Variants in ASCC3 observed in about 807,000 individuals in gnomAD.
ASCC3 encodes activating signal cointegrator 1 complex subunit 3.
In ASCC3, 158 loss-of-function variants were observed where a neutral mutation model predicts 256.3. The ratio of observed to expected loss-of-function variants is 0.62; its 90% CI spans 0.54 to 0.70. The LOEUF is 0.70. ASCC3 is among the 30% of genes least tolerant of loss of function. ASCC3 has a pLI of 0.00. For missense variants in ASCC3, 2,259 were observed against 2,626.0 expected, an observed-to-expected ratio of 0.86 and a Z score of 3.05; for synonymous variants, 948 against 883.4, an observed-to-expected ratio of 1.07 and a Z score of -1.30.
At chr6:100,640,836 C>G (rs892155006) in intron 24 of ASCC3, among the ~76,000 whole-genome samples, 1 of 152,100 alleles carries the variant, frequency 6.6e-6, no homozygotes, top group Non-Finnish European at 1.5e-5. Context: ...GAATAGGGTA[C>G]ACATTTGACA....
Position 100,848,230 on chromosome 6 carries a change from T to A in ASCC3, c.719A>T (p.Glu240Val). 1 of 1,614,034 alleles carries A rather than the reference T, an allele frequency of 6.2e-7. No individual in the cohort carries two copies. Among genetic ancestry groups the A allele is most frequent in the Non-Finnish European group, 8.5e-7 (1 of 1,179,978 alleles). ...YLNSTLKEMT[E>V]VPRVEDLCCT... ...GCAAAGATCTTCTACTCTTGGCACT[T>A]CAGTCATTTCCTTCAAAGTTGAATT... is the stretch of plus-strand genomic sequence containing the variant. Residue 240 changes from glutamate (E) to valine (V), a missense_variant, in exon 4 of 42, where the codon GAA becomes GTA. Glu to Val is a moderately radical substitution (Grantham distance 121, BLOSUM62 -2). Around this residue, in one of 2 missense-constraint regions of ASCC3, gnomAD observed 420 missense variants for 419.3 expected, o/e 1.00. Coordinates refer to ENST00000369162, the MANE Select transcript of ASCC3 (RefSeq NM_006828.4).
At chr6:100,559,558 T>C (rs960822087) in intron 36 of ASCC3, among the ~76,000 whole-genome samples, 2 of 152,086 alleles carry the variant, frequency 1.3e-5, no homozygotes, top group African/African-American at 4.8e-5. Flanking sequence ...ACGTATAAAT[T>C]CTGTTACAGG....
chr6:100,794,414 C>T (rs1298971020), intron 8 of ASCC3, among the ~76,000 whole-genome samples: 1 of 152,040 alleles, frequency 6.6e-6, no homozygotes, highest in African/African-American at 2.4e-5. Flanking sequence ...TGGCATACAC[C>T]ACCACCTGCT....
rs1317536911 is a variant in ASCC3, at chr6:100,647,945, C to A, written c.3253-494G>T. 3.3e-5 allele frequency among the ~76,000 whole-genome samples: 5 copies of A among 152,208 alleles called. No homozygotes were observed. The South Asian group carries it at 6.2e-4, about 19-fold the overall frequency. Reference sequence around the variant, plus strand: ...TAGCTACTCATATGAAAGGGCCATACAAATGGCTTCCTATAAACCAAACAA... The same window carrying A: ...TAGCTACTCATATGAAAGGGCCATAAAAATGGCTTCCTATAAACCAAACAA... On this transcript the variant is annotated intron_variant, in intron 20 of 41. Transcript: ENST00000369162.
chr6:100,862,608 G>T (rs1773279406), intron 3 of ASCC3, among the ~76,000 whole-genome samples: 2 of 152,076 alleles, frequency 1.3e-5, no homozygotes, highest in Non-Finnish European at 2.9e-5. Context: ...CCTGAGAACA[G>T]TTTTTTCATT....
At chr6:100,621,059 G>C (rs557005214) in intron 30 of ASCC3, among the ~76,000 whole-genome samples, 5 of 151,958 alleles carry the variant, frequency 3.3e-5, no homozygotes, top group African/African-American at 1.2e-4. Context: ...AGATGGGCGC[G>C]GTGAAACAAA....
chr6:100,745,314 G>A (rs1363425040), intron 10 of ASCC3, among the ~76,000 whole-genome samples: 3 of 151,414 alleles, frequency 2.0e-5, no homozygotes, highest in East Asian at 3.9e-4. Context: ...GTGACAGAGC[G>A]AGACTCCATC....
At chr6:100,581,638 T>C (rs1203015293) in intron 36 of ASCC3, among the ~76,000 whole-genome samples, 1 of 152,148 alleles carries the variant, frequency 6.6e-6, no homozygotes, top group African/African-American at 2.4e-5. Flanking sequence ...TTTTGGTGTT[T>C]TGGACATGAA....
At chr6:100,530,183 G>A in intron 37 of ASCC3, 1 of 646,624 alleles carries the variant, frequency 1.5e-6, no homozygotes, top group Non-Finnish European at 2.8e-6. Flanking sequence ...TTCCTTTCAT[G>A]AATTAACATC....
chr6:100,594,097 G>A (rs1343033987), intron 34 of ASCC3, among the ~76,000 whole-genome samples: 1 of 152,040 alleles, frequency 6.6e-6, no homozygotes, highest in Non-Finnish European at 1.5e-5. Flanking sequence ...GTCAACACAA[G>A]TTTTACTTTT....
At chr6:100,530,299 G>A (rs1774803562) in intron 37 of ASCC3, 1 of 1,427,862 alleles carries the variant, frequency 7.0e-7, no homozygotes, top group Non-Finnish European at 9.9e-7. Flanking sequence ...AATCATCGCA[G>A]AAGGATAAAG....
intron 38 of ASCC3, among the ~76,000 whole-genome samples, chr6:100,517,617 T>A (rs1485433638): frequency 6.6e-6 from 1 of 152,200 alleles, no homozygotes; most frequent in Non-Finnish European, 1.5e-5. Flanking sequence ...TTCAGATATC[T>A]CAAATCTCCT....
chr6:100,681,725 C>CAAAA (rs10696130), intron 13 of ASCC3, among the ~76,000 whole-genome samples: 28,530 of 58,342 alleles, frequency 0.49, 6,824 homozygotes, highest in East Asian at 0.58. Context: ...GACTCCGTCT[C>CAAAA]AAAAAAAAAA....
At chr6:100,818,297 G>A (rs758668989) in intron 4 of ASCC3, among the ~76,000 whole-genome samples, 5 of 152,056 alleles carry the variant, frequency 3.3e-5, no homozygotes, top group Admixed American at 6.5e-5. Flanking sequence ...GGCCAGGCAC[G>A]GTGGTTCATG....
chr6:100,662,001 G>A lies in ASCC3; in HGVS notation c.2508C>T (p.Gly836=), dbSNP rs1353402625. The A allele has an allele frequency of 1.9e-6, 3 of 1,613,196 alleles. No homozygotes were observed. Among genetic ancestry groups the A allele is most frequent in the East Asian group, 2.2e-5 (1 of 44,850 alleles). Reference sequence around the variant, plus strand: ...CTAAAATTCCAAGGTCAACAAAGGAGCCTCTTTTTGCAGCATATATTTGTG... The same window carrying A: ...CTAAAATTCCAAGGTCAACAAAGGAACCTCTTTTTGCAGCATATATTTGTG... ...KGTQIYAAKR[G]SFVDLGILDV... Residue 836 remains glycine, a synonymous_variant, in exon 16 of 42, where the codon GGC becomes GGT. Transcript: ENST00000369162.
chr6:100,524,536 A>T (rs1045990309), intron 37 of ASCC3, among the ~76,000 whole-genome samples: 4 of 152,172 alleles, frequency 2.6e-5, no homozygotes, highest in Non-Finnish European at 5.9e-5. Flanking sequence ...GACCTAGTCT[A>T]CTAAACGAAA....
rs1291506513 is a variant in ASCC3 at position 100,859,174 on chromosome 6, C to T, written c.241+4890G>A. 3.8e-6 allele frequency: 3 copies of T among 779,942 alleles called. No individual in the cohort carries two copies. In the Admixed American group the frequency reaches 5.1e-5, roughly 13 times the overall value. The allele number at this position is 779,942 out of a possible 1,614,324, so 48.3% of individuals were successfully genotyped here. A position where few individuals can be genotyped will look rare whatever the true frequency, so the allele number is the denominator to read the frequency against. On this transcript the variant is annotated intron_variant, in intron 3 of 41. Coordinates refer to ENST00000369162, the MANE Select transcript of ASCC3 (RefSeq NM_006828.4). Reference sequence around the variant, plus strand: ...TCTCATCCTCCTCTTTTCCATCCAGCCTCCTCTTCTGGAATGGACAATTCA... The same window carrying T: ...TCTCATCCTCCTCTTTTCCATCCAGTCTCCTCTTCTGGAATGGACAATTCA...
At chr6:100,657,931 C>T (rs914042863) in intron 16 of ASCC3, among the ~76,000 whole-genome samples, 2 of 151,434 alleles carry the variant, frequency 1.3e-5, no homozygotes, top group African/African-American at 2.4e-5. Flanking sequence ...CTACTTAGTA[C>T]AGGAACCTTT....
chr6:100,719,631 A>G (rs1441932496), intron 11 of ASCC3, among the ~76,000 whole-genome samples: 2 of 152,064 alleles, frequency 1.3e-5, no homozygotes, highest in African/African-American at 4.8e-5. Flanking sequence ...TGTGAGAAAT[A>G]CTTTATTTGA....
Sources: allele counts gnomAD v4.1 joint callset (sites outside exome capture counted in the v4.1 genomes callset), GRCh38; gene constraint gnomAD v4.1.1; regional missense constraint gnomAD v4.1.1; transcripts MANE v1.5; gene names NCBI Gene and HGNC (gene_info 2026-07-23, HGNC 2026-07-21).